NCOA1: variants seen among roughly 807,000 people sequenced by gnomAD.
NCOA1 encodes nuclear receptor coactivator 1, also known as Hin-2 protein.
A neutral mutation model predicts 150.9 loss-of-function variants in NCOA1; 35 were observed. That is an observed-to-expected ratio of 0.23 (90% confidence interval 0.18 to 0.31). The LOEUF is 0.31. Ranked by LOEUF, NCOA1 falls within the 10% of genes least tolerant of loss-of-function variation. The pLI is 1.00. For missense variants in NCOA1, 1,491 were observed against 1,749.3 expected (o/e 0.85, Z 2.63); for synonymous variants, 590 against 630.0 (o/e 0.94, Z 0.95).
chr2:24,672,595 C>A (rs1449118806), intron 6 of NCOA1, among the ~76,000 whole-genome samples: 2 of 152,126 alleles, frequency 1.3e-5, no homozygotes, highest in African/African-American at 4.8e-5. Flanking sequence ...AAAGGACTCG[C>A]TATGTTGCCC....
At chr2:24,503,664 T>C (rs866058682) in intron 1 of NCOA1, among the ~76,000 whole-genome samples, 3 of 152,064 alleles carry the variant, frequency 2.0e-5, no homozygotes, top group Non-Finnish European at 1.5e-5. Flanking sequence ...TTAACTGAGA[T>C]ATATGGAAAC....
intron 1 of NCOA1, among the ~76,000 whole-genome samples, chr2:24,528,049 T>C (rs1483590417): frequency 6.6e-6 from 1 of 152,238 alleles, no homozygotes; most frequent in African/African-American, 2.4e-5. Context: ...ATGAGTTCTT[T>C]ATAAATTTTG....
At chr2:24,560,396 CTT>C (rs1201934803) in intron 1 of NCOA1, among the ~76,000 whole-genome samples, 1 of 152,034 alleles carries the variant, frequency 6.6e-6, no homozygotes, top group Non-Finnish European at 1.5e-5. Flanking sequence ...GACCTCCACT[CTT>C]TGTTAGACCA....
In NCOA1 at chr2:24,713,767, T is replaced by C. The variant is rs370296936; in HGVS notation, c.2599+2656T>C. Among the ~76,000 whole-genome samples, 56 of 152,234 alleles carry C rather than the reference T, an allele frequency of 3.7e-4. 1 individual carries two copies. The South Asian group carries it at 0.011, about 30-fold the overall frequency. ...AGATGTTTACCAAACCAAGTACAGG[T>C]AGGAGGAACCCAAAATAAGCACGGA... is the stretch of plus-strand genomic sequence containing the variant. On this transcript the variant is annotated intron_variant, in intron 14 of 22. Coordinates refer to ENST00000348332, the MANE Select transcript of NCOA1 (RefSeq NM_003743.5).
At chr2:24,565,010 A>T (rs1401281428) in intron 2 of NCOA1, among the ~76,000 whole-genome samples, 3 of 152,016 alleles carry the variant, frequency 2.0e-5, no homozygotes, top group Non-Finnish European at 4.4e-5. Flanking sequence ...ATTGTTAAGG[A>T]TTTTCTATTC....
At chr2:24,607,688 C>G (rs1181064070) in intron 3 of NCOA1, among the ~76,000 whole-genome samples, 4 of 147,812 alleles carry the variant, frequency 2.7e-5, no homozygotes, top group Non-Finnish European at 4.5e-5. Context: ...AGACTCTTGT[C>G]TAAAAAAAAA....
Position 24,514,577 on chromosome 2 carries a change from C to T in NCOA1, c.-396+22975C>T, listed in dbSNP as rs557484437. On this transcript the variant is annotated intron_variant, in intron 1 of 22. Coordinates refer to ENST00000348332, the MANE Select transcript of NCOA1 (RefSeq NM_003743.5). ...TAGCACTTTGGGAGACTGAGGCAGG[C>T]GGACCACTTGAGCCCAGGGGTTTGA... Among the ~76,000 whole-genome samples the T allele has an allele frequency of 1.7e-4, 26 of 152,058 alleles. No individual in the cohort carries two copies. In the South Asian group the frequency reaches 5.0e-3, roughly 29 times the overall value.
rs1445133031 is a variant in NCOA1, at chr2:24,699,402, G to T, written c.949+1604G>T. 5.3e-5 allele frequency among the ~76,000 whole-genome samples: 8 copies of T among 152,146 alleles called. No homozygotes were observed. In the East Asian group the frequency reaches 1.2e-3, roughly 22 times the overall value. On this transcript the variant is annotated intron_variant, in intron 11 of 22. Transcript: ENST00000348332. Reference sequence around the variant, plus strand: ...GTTGAAGGTTTCTAAACCTTCAACGGAATTCCCCATACAATGAATTGATTA... The same window carrying T: ...GTTGAAGGTTTCTAAACCTTCAACGTAATTCCCCATACAATGAATTGATTA...
At chr2:24,763,678 T>G (rs1466224713) in intron 22 of NCOA1, among the ~76,000 whole-genome samples, 1 of 130,126 alleles carries the variant, frequency 7.7e-6, no homozygotes, top group East Asian at 2.4e-4. Context: ...TGGAGTGAAG[T>G]GGCGTGATCT....
intron 7 of NCOA1, 146 bp downstream of exon 7, chr2:24,673,609 T>C: frequency 5.9e-6 from 3 of 510,542 alleles, no homozygotes; most frequent in Non-Finnish European, 1.0e-5. Flanking sequence ...TGAGAACTAT[T>C]TGACAGTTGT....
intron 8 of NCOA1, among the ~76,000 whole-genome samples, chr2:24,683,567 T>C (rs1382307922): frequency 6.6e-6 from 1 of 152,234 alleles, no homozygotes; most frequent in East Asian, 1.9e-4. Context: ...TTGGATGGGC[T>C]ATTCGCTGCT....
intron 1 of NCOA1, among the ~76,000 whole-genome samples, chr2:24,563,518 C>A (rs1666373589): frequency 6.6e-6 from 1 of 151,686 alleles, no homozygotes; most frequent in Admixed American, 6.6e-5. Context: ...CAGTAAATCT[C>A]TCTCTTTTTT....
chr2:24,683,995 A>T (rs1442202660), intron 8 of NCOA1, among the ~76,000 whole-genome samples: 1 of 152,220 alleles, frequency 6.6e-6, no homozygotes, highest in Non-Finnish European at 1.5e-5. Flanking sequence ...AATTTACCAC[A>T]CATCAGTTTT....
chr2:24,763,616 C>CTCTTTTTTT (rs1250283392), intron 22 of NCOA1, among the ~76,000 whole-genome samples: 7 of 85,314 alleles, frequency 8.2e-5, no homozygotes, highest in East Asian at 3.6e-4. Context: ...GTCTCTCTCT[C>CTCTTTTTTT]TTTTTTTTTT....
chr2:24,664,673 A>G (rs866268956), intron 5 of NCOA1, among the ~76,000 whole-genome samples: 3 of 152,250 alleles, frequency 2.0e-5, no homozygotes, highest in Non-Finnish European at 1.5e-5. Context: ...GCGCCACTGC[A>G]CTGCAGCCTG....
chr2:24,510,578 A>G (rs577210226), intron 1 of NCOA1, among the ~76,000 whole-genome samples: 1 of 152,268 alleles, frequency 6.6e-6, no homozygotes, highest in Non-Finnish European at 1.5e-5. Flanking sequence ...CCTGGCTTCA[A>G]GTGATCCTCC....
At chr2:24,736,232 A>AAAAAAG (rs1404639072) in intron 17 of NCOA1, among the ~76,000 whole-genome samples, 3 of 150,606 alleles carry the variant, frequency 2.0e-5, no homozygotes, top group Admixed American at 2.0e-4. Context: ...AAAAAAAAAA[A>AAAAAAG]AAAAAGAAAA....
intron 1 of NCOA1, among the ~76,000 whole-genome samples, chr2:24,543,209 G>A (rs1306942201): frequency 1.3e-5 from 2 of 152,140 alleles, no homozygotes; most frequent in Non-Finnish European, 2.9e-5. Flanking sequence ...AAGGGAGTGG[G>A]CATGTACAAA....
At chr2:24,545,815 C>T (rs911692587) in intron 1 of NCOA1, among the ~76,000 whole-genome samples, 25 of 152,082 alleles carry the variant, frequency 1.6e-4, no homozygotes, top group Non-Finnish European at 2.5e-4. Context: ...TTTTTTGAGT[C>T]GGAGTCTCGC....
Sources: gnomAD v4.1 joint callset for allele counts (sites outside exome capture counted in the v4.1 genomes callset) on GRCh38, gnomAD v4.1.1 for gene constraint, MANE v1.5 for transcripts, NCBI Gene and HGNC (gene_info 2026-07-23, HGNC 2026-07-21) for gene names.